ABCD4: variants seen among roughly 807,000 people sequenced by gnomAD.
The protein encoded by ABCD4 is ATP binding cassette subfamily D member 4.
A neutral mutation model predicts 86.3 loss-of-function variants in ABCD4; 53 were observed. The observed-to-expected ratio is 0.61, with a 90% confidence interval of 0.49 to 0.77. ABCD4 has a LOEUF of 0.77. Among genes scored for constraint, ABCD4 ranks in the 30% least tolerant of loss-of-function variants. The pLI is 0.00. For missense variants in ABCD4, 757 were observed against 764.5 expected, an observed-to-expected ratio of 0.99 and a Z score of 0.12; for synonymous variants, 328 against 313.6, an observed-to-expected ratio of 1.05 and a Z score of -0.49.
At chr14:74,291,567 C>G (rs1016899812) in intron 11 of ABCD4, among the ~76,000 whole-genome samples, 24 of 152,342 alleles carry the variant, frequency 1.6e-4, no homozygotes, top group African/African-American at 5.8e-4. Flanking sequence ...CCCCACAGAA[C>G]AGCAATTCCA....
chr14:74,289,689 C>T (rs760310761), intron 13 of ABCD4, 170 bp from the exon 14 acceptor site: 2 of 1,449,354 alleles, frequency 1.4e-6, no homozygotes, highest in Non-Finnish European at 1.8e-6. Context: ...AGGGCAAGGT[C>T]CCTACAACCT....
At chr14:74,288,545 C>G (rs770749342) in intron 15 of ABCD4, 171 bp downstream of exon 15, 127 of 750,244 alleles carry the variant, frequency 1.7e-4, no homozygotes, top group Non-Finnish European at 5.0e-5. Flanking sequence ...GCACTACCCC[C>G]TTCGTGCCTA....
At position 74,296,357 on chromosome 14, in the gene ABCD4, T is replaced by A. The variant is rs188205145; in HGVS notation, c.518A>T (p.Tyr173Phe). 36 of 1,613,954 alleles carry A rather than the reference T, an allele frequency of 2.2e-5. No individual in the cohort carries two copies. Among genetic ancestry groups the A allele is most frequent in the Non-Finnish European group, 2.9e-5 (34 of 1,180,000 alleles). ...KLIISPFTLV[Y>F]YTYQCFQSTG... The stretch of plus-strand genomic sequence containing the variant: ...CCTTTGGAAGCACTGGTAAGTGTAG[T>A]AGACGAGGGTGAACGGGGAGATGAT... The change falls in exon 5 of 19, where the codon TAC (tyrosine) becomes TTC (phenylalanine). Residue 173 changes from tyrosine (Y) to phenylalanine (F), a missense_variant. Physicochemically the swap from Tyr to Phe is conservative, Grantham distance 22 (BLOSUM62 3). Coordinates refer to ENST00000356924, the MANE Select transcript of ABCD4 (RefSeq NM_005050.4).
intron 14 of ABCD4, chr14:74,289,127 AAAAAAAAAAAAG>A: frequency 8.8e-7 from 1 of 1,136,612 alleles, no homozygotes; most frequent in South Asian, 3.2e-5. Flanking sequence ...AAAAAAAAAA[AAAAAAAAAAAAG>A]AATAGACAGG....
chr14:74,288,270 C>T lies in ABCD4; in HGVS notation c.1507-11G>A, dbSNP rs375805220. ...TGCCACCAAGTTGGACTGTAACAGA[C>T]CCAGAGGGCAGGATGTCCATGAAAT... On this transcript the variant is annotated splice_polypyrimidine_tract_variant and intron_variant, in intron 15 of 18. Transcript: ENST00000356924. 1.1e-5 allele frequency: 17 copies of T among 1,603,902 alleles called. No homozygotes were observed. Among genetic ancestry groups the T allele is most frequent in the African/African-American group, 1.3e-5 (1 of 74,794 alleles).
At chr14:74,297,592 T>C (rs2083192071) in intron 4 of ABCD4, 10 of 438,324 alleles carry the variant, frequency 2.3e-5, no homozygotes, top group Non-Finnish European at 3.1e-5. Flanking sequence ...GGGTTTCTGC[T>C]ATGTTGCCCA....
At chr14:74,295,597 G>A (rs2082652872) in intron 6 of ABCD4, 2 of 565,082 alleles carry the variant, frequency 3.5e-6, no homozygotes, top group Admixed American at 3.5e-5. Context: ...CAATGACGAT[G>A]GTGATGGCCA....
Position 74,290,329 on chromosome 14 carries a change from AAGG to A in ABCD4, c.1286_1288del (p.Ser429del). 1 of 1,614,146 alleles carries A rather than the reference AAGG, an allele frequency of 6.2e-7. No individual in the cohort carries two copies. Among genetic ancestry groups the A allele is most frequent in the Non-Finnish European group, 8.5e-7 (1 of 1,180,024 alleles). ...CCAGAGGCCACCCAGAACCCGGAGCAAGGAGGTCTTGCCAGTGCCCGTGTTGCC... is the reference window on the plus strand; with the variant it reads ...CCAGAGGCCACCCAGAACCCGGAGCAAGGTCTTGCCAGTGCCCGTGTTGCC... On this transcript the variant is annotated inframe_deletion, in exon 12 of 19. Coordinates refer to ENST00000356924, the MANE Select transcript of ABCD4 (RefSeq NM_005050.4).
Position 74,286,798 on chromosome 14 carries a change from C to T in ABCD4, c.1655G>A (p.Ser552Asn), listed in dbSNP as rs1566910578. 1 of 1,614,084 alleles carries T rather than the reference C, an allele frequency of 6.2e-7. No individual in the cohort carries two copies. The highest frequency in any genetic ancestry group is 8.5e-7 in the Non-Finnish European group (1 of 1,180,026). The stretch of plus-strand genomic sequence containing the variant: ...GCTCTCCACTTCCTCTGTCAGGGCA[C>T]TGGTGGCTTCATCAAGCACTGAGGG... Reference protein sequence around the residue: ...PKYAVLDEATSALTEEVESEL... With the variant: ...PKYAVLDEATNALTEEVESEL... Residue 552 changes from serine to asparagine, a missense_variant, in exon 18 of 19, where the codon AGT becomes AAT. Coordinates refer to ENST00000356924, the MANE Select transcript of ABCD4 (RefSeq NM_005050.4).
At position 74,290,447 on chromosome 14, in the gene ABCD4, G is replaced by A. The variant is rs1318529059; in HGVS notation, c.1171C>T (p.Arg391Trp). 7 of 1,613,930 alleles carry A rather than the reference G, an allele frequency of 4.3e-6. No individual in the cohort carries two copies. The highest frequency in any genetic ancestry group is 1.3e-5 in the African/African-American group (1 of 74,886). The change falls in exon 12 of 19, where the codon CGG becomes TGG. Residue 391 changes from arginine to tryptophan, a missense_variant. Coordinates refer to ENST00000356924, the MANE Select transcript of ABCD4 (RefSeq NM_005050.4). ...EPADTAFLLE[R>W]VSISAPSSDK... is the part of the protein sequence containing the mutation. ...GAGGAGGGGGCAGAGATGGAGACCC[G>A]CTCAAGGAGAAATGCTGTGTCTGCT... is the stretch of plus-strand genomic sequence containing the variant.
In ABCD4 at chr14:74,289,492, G is replaced by C. The variant is rs771421891; in HGVS notation, c.1447C>G (p.Pro483Ala). Residue 483 changes from proline (P) to alanine (A), a missense_variant, in exon 14 of 19, where the codon CCC becomes GCC. Coordinates refer to ENST00000356924, the MANE Select transcript of ABCD4 (RefSeq NM_005050.4). ...AGGAGGACCAGCTCACCTGAGTCGG[G>C]GTAGACCTCCTTCAGGGGATATATC... is the stretch of plus-strand genomic sequence containing the variant. ...QVIYPLKEVYPDSGSADDERI... is the reference protein window; with the variant it reads ...QVIYPLKEVYADSGSADDERI... 5.0e-6 allele frequency: 8 copies of C among 1,613,788 alleles called. No homozygotes were observed. The highest frequency in any genetic ancestry group is 6.8e-6 in the Non-Finnish European group (8 of 1,179,902).
At position 74,289,527 on chromosome 14, in the gene ABCD4, A is replaced by C; in HGVS notation, c.1420-8T>G. ...CTTCAGGGGATATATCACCTGAGAA[A>C]AGAAAAAAACCACACCAACCTAGGA... On this transcript the variant is annotated splice_polypyrimidine_tract_variant and splice_region_variant and intron_variant, in intron 13 of 18. Coordinates refer to ENST00000356924, the MANE Select transcript of ABCD4 (RefSeq NM_005050.4). The C allele has an allele frequency of 6.2e-7, 1 of 1,613,604 alleles. No homozygotes were observed.
rs1315448287 is a variant in ABCD4, at chr14:74,288,765, C to A, written c.1457G>T (p.Gly486Val). 6.2e-7 allele frequency: 1 copy of A among 1,613,360 alleles called. No homozygotes were observed. Among genetic ancestry groups the A allele is most frequent in the East Asian group, 2.2e-5 (1 of 44,876 alleles). The change falls in exon 15 of 19, where the codon GGT becomes GTT. Residue 486 changes from glycine (G) to valine (V), a missense_variant and splice_region_variant. Coordinates refer to ENST00000356924, the MANE Select transcript of ABCD4 (RefSeq NM_005050.4). ...YPLKEVYPDS[G>V]SADDERILRF... ...CAAGATCCTCTCATCATCGGCAGAA[C>A]CTGCACAACAAAGAAGCCTTCTGCA...
rs760532916 is a variant in ABCD4 at position 74,292,320 on chromosome 14, TCG to T, written c.1083_1084del (p.Cys361Ter). ...GCCCCACTCGCTCTCGCCCAGGATC[TCG>T]CAGTCCTGTGACTTCAGGGACATGT... On this transcript the variant is annotated stop_gained and frameshift_variant, in exon 11 of 19. Coordinates refer to ENST00000356924, the MANE Select transcript of ABCD4 (RefSeq NM_005050.4). LOFTEE classifies it high-confidence loss of function. 2 of 1,613,958 alleles carry T rather than the reference TCG, an allele frequency of 1.2e-6. No individual in the cohort carries two copies. Among genetic ancestry groups the T allele is most frequent in the African/African-American group, 2.7e-5 (2 of 74,904 alleles).
rs142556108 is a variant in ABCD4 at position 74,296,420 on chromosome 14, C to A, written c.455G>T (p.Arg152Leu). Residue 152 changes from arginine to leucine, a missense_variant, in exon 5 of 19, where the codon CGA becomes CTA. Coordinates refer to ENST00000356924, the MANE Select transcript of ABCD4 (RefSeq NM_005050.4). The part of the protein sequence containing the change: ...PDQRISQDVE[R>L]FCRQLSSMAS... ...CATGCTGCTGAGCTGCCGGCAGAAT[C>A]GCTCCACGTCCTGGCTGATGCGCTG... 5.0e-6 allele frequency: 8 copies of A among 1,614,046 alleles called. No homozygotes were observed. Among genetic ancestry groups the A allele is most frequent in the Non-Finnish European group, 6.8e-6 (8 of 1,180,016 alleles).
intron 5 of ABCD4, 114 bp downstream of exon 5, chr14:74,296,219 G>T: frequency 8.4e-7 from 1 of 1,195,596 alleles, no homozygotes; most frequent in Non-Finnish European, 1.2e-6. Flanking sequence ...GGGTGAGCAC[G>T]TGGTAAGGTA....
Position 74,290,030 on chromosome 14 carries a change from C to A in ABCD4, c.1416G>T (p.Glu472Asp). 2 of 1,614,122 alleles carry A rather than the reference C, an allele frequency of 1.2e-6. No homozygotes were observed. Among genetic ancestry groups the A allele is most frequent in the South Asian group, 1.1e-5 (1 of 91,072 alleles). ...KPFFTDGTLR[E>D]QVIYPLKEVY... ...GAGCCCCCTGAACTAGACTGACCTG[C>A]TCCCGAAGGGTCCCGTCAGTGAAGA... The change falls in exon 13 of 19, where the codon GAG becomes GAT. Residue 472 changes from glutamate to aspartate, a missense_variant. Glu to Asp is a conservative substitution (Grantham distance 45, BLOSUM62 2). Coordinates refer to ENST00000356924, the MANE Select transcript of ABCD4 (RefSeq NM_005050.4).
rs1161720420 is a variant in ABCD4, at chr14:74,288,129, C to A, written c.1559+78G>T. On this transcript the variant is annotated intron_variant, in intron 16 of 18. Transcript: ENST00000356924. ...CTGGACTTTGGGGTCAGGAGCCGTT[C>A]CATTCCTTGACAGGGACCCTGAAAC... 3.3e-6 allele frequency: 5 copies of A among 1,504,106 alleles called. No individual in the cohort carries two copies. The African/African-American group carries it at 6.9e-5, about 21-fold the overall frequency. 93.2% of individuals were successfully genotyped at this position (1,504,106 alleles called of 1,614,324 possible). A position where few individuals can be genotyped will look rare whatever the true frequency, so the allele number is the denominator to read the frequency against.
At chr14:74,288,170 T>G in intron 16 of ABCD4, 37 bp downstream of exon 16, 1 of 1,607,264 alleles carries the variant, frequency 6.2e-7, no homozygotes, top group Non-Finnish European at 8.5e-7. Flanking sequence ...GTCTTTATGG[T>G]GGGGCTATCT....
Sources: gnomAD v4.1 joint callset for allele counts (sites outside exome capture counted in the v4.1 genomes callset) on GRCh38, gnomAD v4.1.1 for gene constraint, MANE v1.5 for transcripts, NCBI Gene and HGNC (gene_info 2026-07-23, HGNC 2026-07-21) for gene names.